Variants in TNS3 observed in about 807,000 individuals in gnomAD.
TNS3 encodes tensin 3, also known as tensin-3.
TNS3 carries 45 observed loss-of-function variants against 140.9 expected under a neutral mutation model. The observed-to-expected ratio is 0.32, with a 90% CI of 0.25 to 0.41. The LOEUF is 0.41. TNS3 is among the 10% of genes least tolerant of loss of function. The pLI, the probability that TNS3 is intolerant of heterozygous loss-of-function variation, is 1.00. For missense variants in TNS3, 1,716 were observed against 1,906.7 expected, an observed-to-expected ratio of 0.90 and a Z score of 1.86; for synonymous variants, 815 against 788.4, an observed-to-expected ratio of 1.03 and a Z score of -0.56.
chr7:47,479,660 G>T (rs879592840), intron 4 of TNS3, among the ~76,000 whole-genome samples: 13 of 152,194 alleles, frequency 8.5e-5, no homozygotes, highest in African/African-American at 2.9e-4. Context: ...AGGTTTCTGG[G>T]TGAGATTTTA....
rs1289491272 is a variant in TNS3, at chr7:47,435,548, A to G, written c.202-144T>C. The G allele has an allele frequency of 6.8e-6, 8 of 1,180,634 alleles. No individual in the cohort carries two copies. In the East Asian group the frequency reaches 7.2e-5, roughly 11 times the overall value. The allele number at this position is 1,180,634 out of a possible 1,614,324, so 73.1% of individuals were successfully genotyped here. On this transcript the variant is annotated intron_variant, in intron 7 of 30. Transcript: ENST00000311160. ...GACCCTTTCCTAAAACTCAGTGAGCATGAGGATCAACTTCCTTCACTGGGA... is the reference window on the plus strand; with the variant it reads ...GACCCTTTCCTAAAACTCAGTGAGCGTGAGGATCAACTTCCTTCACTGGGA...
At chr7:47,570,220 G>C (rs940774419) in intron 1 of TNS3, among the ~76,000 whole-genome samples, 1 of 152,226 alleles carries the variant, frequency 6.6e-6, no homozygotes, top group African/African-American at 2.4e-5. Flanking sequence ...TCTGCATCAA[G>C]ACTGGAATCC....
intron 16 of TNS3, among the ~76,000 whole-genome samples, chr7:47,384,454 C>T (rs1791958979): frequency 6.6e-6 from 1 of 152,216 alleles, no homozygotes; most frequent in African/African-American, 2.4e-5. Flanking sequence ...TCCCTTGGTC[C>T]AGGTTCAAAC....
chr7:47,467,957 A>G (rs1796793250), intron 4 of TNS3, among the ~76,000 whole-genome samples: 1 of 152,122 alleles, frequency 6.6e-6, no homozygotes, highest in African/African-American at 2.4e-5. Context: ...CTCAGGTAAT[A>G]TAAATAATGC....
intron 1 of TNS3, among the ~76,000 whole-genome samples, chr7:47,541,920 G>C (rs1175418468): frequency 6.7e-6 from 1 of 149,958 alleles, no homozygotes; most frequent in African/African-American, 2.5e-5. Flanking sequence ...CTGCACTCCA[G>C]TGTGGGCAAC....
At chr7:47,379,000 T>G (rs1562659625) in intron 16 of TNS3, among the ~76,000 whole-genome samples, 2 of 152,228 alleles carry the variant, frequency 1.3e-5, no homozygotes, top group East Asian at 3.8e-4. Context: ...GCTAAGGGAC[T>G]GCCTGGATTT....
intron 16 of TNS3, among the ~76,000 whole-genome samples, chr7:47,395,047 C>T (rs139533961): frequency 3.3e-5 from 5 of 152,354 alleles, no homozygotes; most frequent in Non-Finnish European, 5.9e-5. Flanking sequence ...CAGAGAACAC[C>T]CACCTGTGTT....
chr7:47,524,455 G>A (rs796831443), intron 2 of TNS3, among the ~76,000 whole-genome samples: 12 of 152,258 alleles, frequency 7.9e-5, no homozygotes, highest in African/African-American at 2.6e-4. Flanking sequence ...GCAGGTGCCT[G>A]TGTGTCCATA....
chr7:47,543,753 G>T (rs926029398), intron 1 of TNS3, among the ~76,000 whole-genome samples: 2 of 152,160 alleles, frequency 1.3e-5, no homozygotes, highest in Non-Finnish European at 2.9e-5. Flanking sequence ...TAACCAAAAC[G>T]TCTCCATTGG....
intron 10 of TNS3, among the ~76,000 whole-genome samples, chr7:47,419,504 T>G (rs1317635120): frequency 1.3e-5 from 2 of 152,326 alleles, no homozygotes; most frequent in African/African-American, 4.8e-5. Context: ...AAACTAACTT[T>G]AGGAGAAAGT....
At chr7:47,556,937 C>A (rs1800210369) in intron 1 of TNS3, 2 of 441,484 alleles carry the variant, frequency 4.5e-6, no homozygotes, top group Admixed American at 2.4e-5. Context: ...AGCCAAGAGG[C>A]CCTACTCCCA....
At chr7:47,576,630 C>T (rs1800682139) in intron 1 of TNS3, among the ~76,000 whole-genome samples, 2 of 152,218 alleles carry the variant, frequency 1.3e-5, no homozygotes, top group Non-Finnish European at 1.5e-5. Context: ...GCCCGGCGCT[C>T]CAGGGAGGAA....
chr7:47,535,795 G>A (rs751919373), intron 1 of TNS3, among the ~76,000 whole-genome samples: 7 of 152,240 alleles, frequency 4.6e-5, no homozygotes, highest in South Asian at 2.1e-4. Flanking sequence ...CAAAACCGCA[G>A]GGATCTCTCG....
At chr7:47,522,386 T>G (rs1799013882) in intron 2 of TNS3, among the ~76,000 whole-genome samples, 1 of 152,030 alleles carries the variant, frequency 6.6e-6, no homozygotes, top group Non-Finnish European at 1.5e-5. Context: ...AGCCTCCACG[T>G]AACTTCCGAC....
At chr7:47,459,026 C>T (rs1038176370) in intron 4 of TNS3, among the ~76,000 whole-genome samples, 1 of 152,148 alleles carries the variant, frequency 6.6e-6, no homozygotes, top group African/African-American at 2.4e-5. Context: ...ATTTAAAAGC[C>T]AAATGGTGCT....
At chr7:47,406,953 G>T (rs766885842) in intron 13 of TNS3, among the ~76,000 whole-genome samples, 12 of 152,294 alleles carry the variant, frequency 7.9e-5, no homozygotes, top group Non-Finnish European at 1.5e-5. Context: ...AAGGTCGGAA[G>T]AGGCTGGAGA....
At chr7:47,366,936 C>T (rs578137671) in intron 17 of TNS3, among the ~76,000 whole-genome samples, 1 of 152,350 alleles carries the variant, frequency 6.6e-6, no homozygotes, top group Admixed American at 6.5e-5. Context: ...ACAGCCATGT[C>T]CCTTGTCCTT....
intron 4 of TNS3, among the ~76,000 whole-genome samples, chr7:47,446,687 C>CTTTTTTTTT (rs1213162331): frequency 1.0e-4 from 6 of 60,132 alleles, no homozygotes; most frequent in African/African-American, 3.2e-4. Context: ...TTCCAGGCTG[C>CTTTTTTTTT]CTTTTTTTTT....
At chr7:47,511,069 A>G (rs937772292) in intron 2 of TNS3, among the ~76,000 whole-genome samples, 1 of 152,220 alleles carries the variant, frequency 6.6e-6, no homozygotes, top group African/African-American at 2.4e-5. Context: ...CACCGGGTAA[A>G]AGATGCACTT....
Sources: allele counts gnomAD v4.1 joint callset (sites outside exome capture counted in the v4.1 genomes callset), GRCh38; gene constraint gnomAD v4.1.1; transcripts MANE v1.5; gene names NCBI Gene and HGNC (gene_info 2026-07-23, HGNC 2026-07-21).